The following WDR37 variants were observed in gnomAD, a reference collection of about 807,000 sequenced individuals.
WDR37 encodes WD repeat domain 37.
A neutral mutation model predicts 62.9 loss-of-function variants in WDR37; 19 were observed. That is an observed-to-expected ratio of 0.30 (90% CI 0.21 to 0.44). The LOEUF (loss-of-function observed/expected upper bound fraction) is 0.44. WDR37 is among the 20% of genes least tolerant of loss of function. The probability of loss-of-function intolerance (pLI) is 1.00; values close to 1 mark genes in which losing one functional copy is unlikely to be tolerated. For missense variants in WDR37, 474 were observed against 657.6 expected (o/e 0.72, Z 3.05); for synonymous variants, 250 against 260.9 (o/e 0.96, Z 0.40).
At chr10:1,109,826 T>A (rs1835154997) in intron 11 of WDR37, among the ~76,000 whole-genome samples, 1 of 152,212 alleles carries the variant, frequency 6.6e-6, no homozygotes, top group Non-Finnish European at 1.5e-5. Context: ...TAGTAAGTGT[T>A]ATGAAAAAGT....
At chr10:1,124,540 G>C (rs560338087) in intron 12 of WDR37, among the ~76,000 whole-genome samples, 188 bp downstream of exon 12, 1 of 152,142 alleles carries the variant, frequency 6.6e-6, no homozygotes, top group African/African-American at 2.4e-5. Flanking sequence ...AACCAGGTTG[G>C]ATCAGTGAGA....
intron 13 of WDR37, among the ~76,000 whole-genome samples, chr10:1,126,618 C>T (rs1386866346): frequency 6.6e-6 from 1 of 152,218 alleles, no homozygotes; most frequent in Non-Finnish European, 1.5e-5. Context: ...GTGGCCCCCT[C>T]AGTGCCTCTG....
At chr10:1,076,758 A>G (rs1833889782) in intron 2 of WDR37, among the ~76,000 whole-genome samples, 1 of 150,604 alleles carries the variant, frequency 6.6e-6, no homozygotes, top group Admixed American at 6.6e-5. Flanking sequence ...CCCATTAAGT[A>G]TCAGCCAGGC....
chr10:1,082,256 C>G (rs924460045), intron 5 of WDR37, among the ~76,000 whole-genome samples: 1 of 152,164 alleles, frequency 6.6e-6, no homozygotes, highest in African/African-American at 2.4e-5. Context: ...CTCCTTCTGA[C>G]CCAGAGCCAC....
chr10:1,084,683 C>T, intron 6 of WDR37, 145 bp downstream of exon 6: 1 of 1,206,368 alleles, frequency 8.3e-7, no homozygotes, highest in South Asian at 1.5e-5. Flanking sequence ...CACATTAACC[C>T]TTGGTGATGC....
rs190350922 is a variant in WDR37 at position 1,107,724 on chromosome 10, T to C, written c.1103+2457T>C. Among the ~76,000 whole-genome samples the C allele has an allele frequency of 7.9e-5, 12 of 151,674 alleles. No homozygotes were observed. In the East Asian group the frequency reaches 2.3e-3, roughly 29 times the overall value. ...GTATTGCGGCACTGCTGTCTCTCTT[T>C]ACACATGTGTACACACCACTGTCTG... On this transcript the variant is annotated intron_variant, in intron 11 of 13. Transcript: ENST00000263150.
intron 8 of WDR37, among the ~76,000 whole-genome samples, chr10:1,093,800 C>G (rs889467297): frequency 2.6e-5 from 4 of 152,174 alleles, no homozygotes; most frequent in African/African-American, 9.7e-5. Flanking sequence ...AGACGGAGCT[C>G]CTTGAGGCCC....
intron 7 of WDR37, among the ~76,000 whole-genome samples, chr10:1,092,848 C>A (rs1834441969): frequency 8.7e-6 from 1 of 115,484 alleles, no homozygotes; most frequent in South Asian, 2.9e-4. Context: ...CCAGCCTAGG[C>A]AACCAGAGCA....
chr10:1,096,753 A>C (rs1834594818), intron 9 of WDR37: 1 of 155,358 alleles, frequency 6.4e-6, no homozygotes, highest in Non-Finnish European at 1.4e-5. Flanking sequence ...CGGGACCGGG[A>C]ATGGGTACAT....
chr10:1,064,371 G>A (rs960793348), intron 1 of WDR37, among the ~76,000 whole-genome samples: 4 of 152,058 alleles, frequency 2.6e-5, no homozygotes, highest in Admixed American at 1.3e-4. Context: ...GACGGGGTGG[G>A]GGGAAAACGT....
chr10:1,128,582 C>CTT lies in WDR37; in HGVS notation c.1354-629_1354-628dup, dbSNP rs1835870882. On this transcript the variant is annotated intron_variant, in intron 13 of 13. Coordinates refer to ENST00000263150, the MANE Select transcript of WDR37 (RefSeq NM_014023.4). ...TATTTGTTAAAATGCAATTTGAAGT[C>CTT]TTTGAGTGAATATCATTTAATTTAC... 3.3e-5 allele frequency among the ~76,000 whole-genome samples: 5 copies of CTT among 152,238 alleles called. No individual in the cohort carries two copies. In the South Asian group the frequency reaches 1.0e-3, roughly 31 times the overall value.
chr10:1,083,055 A>AT (rs1378808791), intron 5 of WDR37, among the ~76,000 whole-genome samples: 10 of 152,220 alleles, frequency 6.6e-5, no homozygotes, highest in Admixed American at 2.0e-4. Flanking sequence ...AGTGAAATTT[A>AT]CCACCGCTTA....
chr10:1,113,249 C>G (rs1835273998), intron 11 of WDR37, among the ~76,000 whole-genome samples: 1 of 152,202 alleles, frequency 6.6e-6, no homozygotes, highest in African/African-American at 2.4e-5. Context: ...TCTGTTTACA[C>G]CATGGTTTCT....
intron 11 of WDR37, among the ~76,000 whole-genome samples, chr10:1,110,980 G>A (rs1291410094): frequency 6.6e-6 from 1 of 151,934 alleles, no homozygotes; most frequent in Non-Finnish European, 1.5e-5. Flanking sequence ...TTCTTTTCCT[G>A]AGCATTGAAA....
At chr10:1,096,302 G>T (rs767103231) in intron 9 of WDR37, 56 bp downstream of exon 9, 3 of 1,569,952 alleles carry the variant, frequency 1.9e-6, no homozygotes, top group Non-Finnish European at 2.6e-6. Flanking sequence ...GCGAATCTGA[G>T]AATCCATTTA....
At chr10:1,079,603 C>T (rs1036138492) in intron 3 of WDR37, among the ~76,000 whole-genome samples, 1 of 150,920 alleles carries the variant, frequency 6.6e-6, no homozygotes, top group Non-Finnish European at 1.5e-5. Flanking sequence ...GGCGTGATCT[C>T]GGCTCACTGC....
At position 1,099,763 on chromosome 10, in the gene WDR37, G is replaced by A. The variant is rs536631031; in HGVS notation, c.726+3517G>A. Among the ~76,000 whole-genome samples, 15 of 145,654 alleles carry A rather than the reference G, an allele frequency of 1.0e-4. No individual in the cohort carries two copies. In the East Asian group the frequency reaches 2.1e-3, roughly 21 times the overall value. On this transcript the variant is annotated intron_variant, in intron 9 of 13. Transcript: ENST00000263150. ...TCAGCGTGTGCACTGATGGTGTGGC[G>A]GAGACGTGAGGAGGGTGAGCATTGA...
At chr10:1,104,533 A>G (rs1279463887) in intron 10 of WDR37, among the ~76,000 whole-genome samples, 1 of 152,252 alleles carries the variant, frequency 6.6e-6, no homozygotes, top group African/African-American at 2.4e-5. Context: ...TGATGAAGTC[A>G]AAGTCAACTC....
chr10:1,085,141 T>G (rs1834160270), intron 6 of WDR37, among the ~76,000 whole-genome samples: 1 of 151,932 alleles, frequency 6.6e-6, no homozygotes, highest in South Asian at 2.1e-4. Context: ...ATTTTTTTTT[T>G]TTTTTGTATT....
Sources: gnomAD v4.1 joint callset for allele counts (sites outside exome capture counted in the v4.1 genomes callset) on GRCh38, gnomAD v4.1.1 for gene constraint, MANE v1.5 for transcripts, NCBI Gene and HGNC (gene_info 2026-07-23, HGNC 2026-07-21) for gene names.